Variants in OPCML observed in about 807,000 individuals in gnomAD.
OPCML encodes opioid binding protein/cell adhesion molecule like.
In OPCML, 13 loss-of-function variants were observed where a neutral mutation model predicts 37.8. The ratio of observed to expected loss-of-function variants is 0.34; its 90% CI spans 0.22 to 0.55. OPCML has a LOEUF of 0.55. OPCML is among the 20% of genes least tolerant of loss of function. The pLI is 0.91. For missense variants in OPCML, 341 were observed against 435.6 expected (o/e 0.78, Z 1.93); for synonymous variants, 176 against 168.8 (o/e 1.04, Z -0.33).
At chr11:133,042,169 G>A (rs1260681991) in intron 1 of OPCML, among the ~76,000 whole-genome samples, 2 of 152,154 alleles carry the variant, frequency 1.3e-5, no homozygotes, top group East Asian at 3.9e-4. Context: ...CAGGCTCCTG[G>A]CACTGCACAG....
intron 2 of OPCML, chr11:132,859,278 T>C (rs933307970): frequency 3.3e-5 from 5 of 152,220 alleles, no homozygotes; most frequent in Non-Finnish European, 7.3e-5. Context: ...TTTCTCCATA[T>C]GCCTCTACAA....
intron 2 of OPCML, among the ~76,000 whole-genome samples, chr11:132,861,733 G>T (rs911842490): frequency 6.6e-6 from 1 of 151,976 alleles, no homozygotes; most frequent in Non-Finnish European, 1.5e-5. Context: ...AACTCAGGAG[G>T]CTGAGGCAGG....
chr11:133,263,543 G>A (rs1941558334), intron 1 of OPCML, among the ~76,000 whole-genome samples: 1 of 152,136 alleles, frequency 6.6e-6, no homozygotes, highest in Non-Finnish European at 1.5e-5. Context: ...ACTCTATGGT[G>A]TTTGCACAGT....
At chr11:132,482,764 T>C (rs1424807709) in intron 4 of OPCML, among the ~76,000 whole-genome samples, 4 of 152,066 alleles carry the variant, frequency 2.6e-5, no homozygotes, top group Non-Finnish European at 4.4e-5. Flanking sequence ...GCTGGTTCAA[T>C]ATACACAAAT....
chr11:132,874,878 T>G (rs1250345228), intron 2 of OPCML, among the ~76,000 whole-genome samples: 1 of 152,138 alleles, frequency 6.6e-6, no homozygotes, highest in African/African-American at 2.4e-5. Context: ...TGGGCTTAGC[T>G]CTTACCACAA....
intron 2 of OPCML, among the ~76,000 whole-genome samples, chr11:132,672,284 C>T (rs1942510251): frequency 1.3e-5 from 2 of 152,172 alleles, no homozygotes; most frequent in Non-Finnish European, 2.9e-5. Context: ...TTACTCCTGT[C>T]TCAGTTCATT....
In OPCML at chr11:133,320,634, C is replaced by T. The variant is rs1322897120; in HGVS notation, c.61+211630G>A. Among the ~76,000 whole-genome samples the T allele has an allele frequency of 2.6e-5, 4 of 152,158 alleles. No homozygotes were observed. In the East Asian group the frequency reaches 7.7e-4, roughly 29 times the overall value. On this transcript the variant is annotated intron_variant, in intron 1 of 7. Coordinates refer to ENST00000524381, the MANE Select transcript of OPCML (RefSeq NM_001012393.5). Reference sequence around the variant, plus strand: ...TTTGCCAATCCTGGAAAGCTATCATCCTTTTAAAGTATGCATTTTATAATT... The same window carrying T: ...TTTGCCAATCCTGGAAAGCTATCATTCTTTTAAAGTATGCATTTTATAATT...
chr11:133,243,139 C>G (rs1178856022), intron 1 of OPCML, among the ~76,000 whole-genome samples: 2 of 152,008 alleles, frequency 1.3e-5, no homozygotes, highest in Admixed American at 1.3e-4. Context: ...TTGCAGGAGT[C>G]CAGAACTCAG....
intron 1 of OPCML, among the ~76,000 whole-genome samples, chr11:133,169,949 A>T (rs1362527649): frequency 2.0e-5 from 3 of 152,222 alleles, no homozygotes; most frequent in Non-Finnish European, 4.4e-5. Flanking sequence ...GGCTATGAAG[A>T]AGATCAAAGA....
chr11:132,764,831 A>C (rs1946381734), intron 2 of OPCML, among the ~76,000 whole-genome samples: 1 of 152,204 alleles, frequency 6.6e-6, no homozygotes, highest in Non-Finnish European at 1.5e-5. Context: ...AAGGACAATT[A>C]AGCTCAAATA....
intron 2 of OPCML, among the ~76,000 whole-genome samples, chr11:132,893,931 A>AT (rs1478038785): frequency 6.6e-6 from 1 of 152,226 alleles, no homozygotes; most frequent in Non-Finnish European, 1.5e-5. Flanking sequence ...TCTACATTAA[A>AT]TTGAAAACTT....
intron 4 of OPCML, among the ~76,000 whole-genome samples, chr11:132,505,009 C>T (rs2096253521): frequency 6.6e-6 from 1 of 152,048 alleles, no homozygotes; most frequent in African/African-American, 2.4e-5. Context: ...CAACCATTAC[C>T]ATGCATCAGA....
rs528596359 is a variant in OPCML, at chr11:133,232,283, G to A, written c.62-289273C>T. The stretch of plus-strand genomic sequence containing the variant: ...ACTACTCTTTGATGAGAAACCATAC[G>A]GTGTGGTAGAGAAAGCGCAGAGTTT... On this transcript the variant is annotated intron_variant, in intron 1 of 7. Transcript: ENST00000524381. Among the ~76,000 whole-genome samples the A allele has an allele frequency of 1.1e-4, 17 of 152,296 alleles. No individual in the cohort carries two copies. In the South Asian group the frequency reaches 1.9e-3, roughly 17 times the overall value.
At chr11:132,892,067 A>G (rs1943671533) in intron 2 of OPCML, among the ~76,000 whole-genome samples, 1 of 152,232 alleles carries the variant, frequency 6.6e-6, no homozygotes, top group South Asian at 2.1e-4. Flanking sequence ...ATGCAAAGCT[A>G]CAATATTAAA....
intron 1 of OPCML, among the ~76,000 whole-genome samples, chr11:133,404,100 G>C (rs1392807927): frequency 1.3e-5 from 2 of 152,120 alleles, no homozygotes; most frequent in Non-Finnish European, 2.9e-5. Flanking sequence ...TGTGCTTCTG[G>C]TGGCTTGCAG....
At chr11:132,547,837 G>T (rs567276739) in intron 3 of OPCML, among the ~76,000 whole-genome samples, 6 of 152,186 alleles carry the variant, frequency 3.9e-5, no homozygotes, top group Middle Eastern at 6.8e-3. Flanking sequence ...TGCATTACTG[G>T]TGACAGTGTC....
At chr11:133,503,379 A>T (rs1947958139) in intron 1 of OPCML, among the ~76,000 whole-genome samples, 1 of 152,140 alleles carries the variant, frequency 6.6e-6, no homozygotes, top group Non-Finnish European at 1.5e-5. Flanking sequence ...TCAGCTGGTC[A>T]ACAACCCCTC....
intron 4 of OPCML, among the ~76,000 whole-genome samples, chr11:132,505,784 C>A (rs1275024367): frequency 6.6e-6 from 1 of 151,792 alleles, no homozygotes; most frequent in Non-Finnish European, 1.5e-5. Context: ...GACAAAAGAT[C>A]TGAAGGAAAC....
chr11:132,496,928 C>T (rs1238180249), intron 4 of OPCML, among the ~76,000 whole-genome samples: 1 of 152,156 alleles, frequency 6.6e-6, no homozygotes, highest in African/African-American at 2.4e-5. Context: ...TAACGATGAG[C>T]AGGTACCTTA....
Sources: gnomAD v4.1 joint callset for allele counts (sites outside exome capture counted in the v4.1 genomes callset) on GRCh38, gnomAD v4.1.1 for gene constraint, MANE v1.5 for transcripts, NCBI Gene and HGNC (gene_info 2026-07-23, HGNC 2026-07-21) for gene names.